Variants in PTPRD observed in about 807,000 individuals in gnomAD.
PTPRD encodes the protein receptor-type tyrosine-protein phosphatase delta.
PTPRD carries 34 observed loss-of-function variants against 214.5 expected under a neutral mutation model. The observed-to-expected ratio is 0.16, with a 90% confidence interval of 0.12 to 0.21. The LOEUF (loss-of-function observed/expected upper bound fraction) is 0.21. Ranked by LOEUF, PTPRD falls within the 10% of genes least tolerant of loss-of-function variation. PTPRD has a pLI of 1.00. For synonymous variants in PTPRD, 1,128 were observed against 845.7 expected (o/e 1.33, Z -5.79); for missense variants, 2,545 against 2,398.7 (o/e 1.06, Z -1.27).
At chr9:9,946,979 A>C (rs950364555) in intron 4 of PTPRD, among the ~76,000 whole-genome samples, 16 of 151,846 alleles carry the variant, frequency 1.1e-4, no homozygotes, top group African/African-American at 3.9e-4. Context: ...CTGATTTTGG[A>C]AGCCATGCAT....
intron 3 of PTPRD, among the ~76,000 whole-genome samples, chr9:10,184,784 G>T (rs932660782): frequency 6.6e-6 from 1 of 152,152 alleles, no homozygotes; most frequent in Non-Finnish European, 1.5e-5. Flanking sequence ...TGATAAATGC[G>T]AGGTTTCCTG....
At chr9:9,819,583 G>T (rs1035544176) in intron 5 of PTPRD, among the ~76,000 whole-genome samples, 4 of 152,080 alleles carry the variant, frequency 2.6e-5, no homozygotes, top group Non-Finnish European at 5.9e-5. Context: ...GTGATGCTGA[G>T]GATTGGGGTA....
chr9:10,373,805 A>G (rs1194575135), intron 2 of PTPRD, among the ~76,000 whole-genome samples: 1 of 152,130 alleles, frequency 6.6e-6, no homozygotes, highest in Non-Finnish European at 1.5e-5. Context: ...CCATGTTTCA[A>G]CATGTCAACA....
chr9:9,134,993 T>G (rs373979168), intron 10 of PTPRD, among the ~76,000 whole-genome samples: 1 of 152,204 alleles, frequency 6.6e-6, no homozygotes, highest in African/African-American at 2.4e-5. Context: ...GCCCTTTCTG[T>G]GCAATGACAC....
intron 11 of PTPRD, among the ~76,000 whole-genome samples, chr9:8,760,590 C>G (rs541174307): frequency 6.7e-6 from 1 of 149,030 alleles, no homozygotes; most frequent in African/African-American, 2.5e-5. Flanking sequence ...CTTGCTCCCT[C>G]TCTCTGTCTG....
chr9:10,210,297 G>GA (rs1336068865), intron 3 of PTPRD, among the ~76,000 whole-genome samples: 1 of 151,980 alleles, frequency 6.6e-6, no homozygotes, highest in Non-Finnish European at 1.5e-5. Flanking sequence ...ACAGAGGAGA[G>GA]AAAAAAATGT....
chr9:8,904,930 T>C (rs1409925020), intron 11 of PTPRD, among the ~76,000 whole-genome samples: 2 of 152,190 alleles, frequency 1.3e-5, no homozygotes, highest in Non-Finnish European at 2.9e-5. Context: ...GTTTGGACAT[T>C]TTTGGTTTGC....
At position 8,574,405 on chromosome 9, in the gene PTPRD, T is replaced by C. The variant is rs139613042; in HGVS notation, c.353-45626A>G. On this transcript the variant is annotated intron_variant, in intron 14 of 45. Transcript: ENST00000381196. ...ATCTGAACATTTTAATTCATGATGATGATAGTTGGGAGGCCCTAAAAATTG... is the reference window on the plus strand; with the variant it reads ...ATCTGAACATTTTAATTCATGATGACGATAGTTGGGAGGCCCTAAAAATTG... Among the ~76,000 whole-genome samples, 244 of 152,126 alleles carry C rather than the reference T, an allele frequency of 1.6e-3. 1 individual carries two copies. Among genetic ancestry groups the C allele is most frequent in the African/African-American group, 5.7e-3 (237 of 41,560 alleles).
chr9:9,818,209 C>T (rs538161452), intron 5 of PTPRD, among the ~76,000 whole-genome samples: 15 of 152,114 alleles, frequency 9.9e-5, no homozygotes, highest in Non-Finnish European at 1.9e-4. Flanking sequence ...CTAAAGAAAT[C>T]GGTCTTTAAA....
At chr9:9,009,493 T>C (rs917756007) in intron 11 of PTPRD, among the ~76,000 whole-genome samples, 3 of 151,990 alleles carry the variant, frequency 2.0e-5, no homozygotes, top group East Asian at 1.9e-4. Context: ...ATGTGTGCCA[T>C]AGGGGTTTTC....
chr9:10,524,981 T>C (rs780113923), intron 2 of PTPRD, among the ~76,000 whole-genome samples: 1 of 151,686 alleles, frequency 6.6e-6, no homozygotes, highest in Non-Finnish European at 1.5e-5. Context: ...GTAGGGTAGA[T>C]CACAACACTA....
At chr9:9,807,272 CA>C (rs1442766502) in intron 5 of PTPRD, among the ~76,000 whole-genome samples, 42 of 152,222 alleles carry the variant, frequency 2.8e-4, no homozygotes, top group Admixed American at 7.2e-4. Flanking sequence ...AGATACCCTA[CA>C]AATGTGCTTA....
At chr9:9,782,180 C>G (rs181617740) in intron 5 of PTPRD, among the ~76,000 whole-genome samples, 11 of 152,216 alleles carry the variant, frequency 7.2e-5, no homozygotes, top group Admixed American at 3.3e-4. Flanking sequence ...TTCATAATAT[C>G]CTACAGTCAT....
chr9:8,473,312 T>C (rs1029720284), intron 30 of PTPRD, among the ~76,000 whole-genome samples: 1 of 152,146 alleles, frequency 6.6e-6, no homozygotes, highest in African/African-American at 2.4e-5. Flanking sequence ...CTTCTCTGCG[T>C]ATGACAGAGA....
intron 5 of PTPRD, among the ~76,000 whole-genome samples, chr9:9,842,426 G>A (rs753438668): frequency 6.8e-6 from 1 of 147,720 alleles, no homozygotes; most frequent in Non-Finnish European, 1.5e-5. Flanking sequence ...TTAAATCCAT[G>A]ATAATATTGA....
chr9:10,016,922 C>T (rs188389810), intron 4 of PTPRD, among the ~76,000 whole-genome samples: 4 of 152,302 alleles, frequency 2.6e-5, no homozygotes, highest in East Asian at 1.9e-4. Flanking sequence ...GCTTTGGCCT[C>T]CCAAAGTGCT....
chr9:8,545,544 T>C lies in PTPRD; in HGVS notation c.353-16765A>G, dbSNP rs72696619. On this transcript the variant is annotated intron_variant, in intron 14 of 45. Coordinates refer to ENST00000381196, the MANE Select transcript of PTPRD (RefSeq NM_002839.4). ...TTCCTAGAACAGAGTCAACTATCAC[T>C]GATTTCATCACAGTGATTTTCAGAA... Among the ~76,000 whole-genome samples the C allele has an allele frequency of 3.3e-3, 496 of 152,332 alleles. 1 individual carries two copies. The highest frequency in any genetic ancestry group is 4.0e-3 in the Non-Finnish European group (272 of 68,018).
At position 9,690,781 on chromosome 9, in the gene PTPRD, G is replaced by A. The variant is rs557087582; in HGVS notation, c.-287+43752C>T. Among the ~76,000 whole-genome samples, 14 of 151,960 alleles carry A rather than the reference G, an allele frequency of 9.2e-5. No individual in the cohort carries two copies. The South Asian group carries it at 2.7e-3, about 29-fold the overall frequency. Reference sequence around the variant, plus strand: ...TTGAAAATGAGTTGGCTGTAAATGTGTGGACTTATTTCTGGTCTCTATTCT... The same window carrying A: ...TTGAAAATGAGTTGGCTGTAAATGTATGGACTTATTTCTGGTCTCTATTCT... On this transcript the variant is annotated intron_variant, in intron 7 of 45. Transcript: ENST00000381196.
chr9:9,493,534 A>C (rs1569568793), intron 8 of PTPRD, among the ~76,000 whole-genome samples: 2 of 152,140 alleles, frequency 1.3e-5, no homozygotes, highest in Non-Finnish European at 2.9e-5. Flanking sequence ...CATGCCTGTA[A>C]TCCTAGCACT....
Sources: allele counts gnomAD v4.1 joint callset (sites outside exome capture counted in the v4.1 genomes callset), GRCh38; gene constraint gnomAD v4.1.1; transcripts MANE v1.5; gene names NCBI Gene and HGNC (gene_info 2026-07-23, HGNC 2026-07-21).